ADCY5: variants seen among roughly 807,000 people sequenced by gnomAD.
The protein encoded by ADCY5 is adenylate cyclase 5.
ADCY5 carries 30 observed loss-of-function variants against 119.7 expected under a neutral mutation model. The observed-to-expected ratio is 0.25, with a 90% CI of 0.19 to 0.34. ADCY5 has a LOEUF of 0.34. Among genes scored for constraint, ADCY5 ranks in the 10% least tolerant of loss-of-function variants. The pLI, the probability that ADCY5 is intolerant of heterozygous loss-of-function variation, is 1.00. For synonymous variants in ADCY5, 753 were observed against 762.2 expected (o/e 0.99, Z 0.20); for missense variants, 1,324 against 1,775.2 (o/e 0.75, Z 4.57).
chr3:123,396,532 AAAAGAAAGAAAG>A (rs370071235), intron 1 of ADCY5, among the ~76,000 whole-genome samples: 1,404 of 137,882 alleles, frequency 0.01, 36 homozygotes, highest in African/African-American at 0.038. Context: ...AGAGAGAAAG[AAAAGAAAGAAAG>A]AAAGAAAGAA....
At chr3:123,389,785 A>G (rs1170894210) in intron 1 of ADCY5, among the ~76,000 whole-genome samples, 2 of 152,110 alleles carry the variant, frequency 1.3e-5, no homozygotes, top group Non-Finnish European at 2.9e-5. Flanking sequence ...AATAGGACAA[A>G]CTCCAGCCTG....
Position 123,448,058 on chromosome 3 carries a change from C to G in ADCY5, c.488G>C (p.Arg163Pro). ...GTCGGCCGCGCGCCCCTTGCCCCGC[C>G]GCTCCTCCAGACCCACCTCCACCGA... ...PRSVEVGLEERRGKGRAADEL... is the reference protein window; with the variant it reads ...PRSVEVGLEEPRGKGRAADEL... The change falls in exon 1 of 21, where the codon CGG becomes CCG. Residue 163 changes from arginine to proline, a missense_variant. Physicochemically the swap from Arg to Pro is moderately radical, Grantham distance 103. Around this residue, in one of 6 missense-constraint regions of ADCY5, gnomAD observed 585 missense variants for 569.9 expected, o/e 1.03. Coordinates refer to ENST00000462833, the MANE Select transcript of ADCY5 (RefSeq NM_183357.3). 1 of 1,245,938 alleles carries G rather than the reference C, an allele frequency of 8.0e-7. No individual in the cohort carries two copies. The highest frequency in any genetic ancestry group is 3.7e-5 in the East Asian group (1 of 26,910). 77.2% of individuals were successfully genotyped at this position (1,245,938 alleles called of 1,614,324 possible). A position where few individuals can be genotyped will look rare whatever the true frequency, so the allele number is the denominator to read the frequency against.
rs746604035 is a variant in ADCY5, at chr3:123,447,667, G to A, written c.879C>T (p.Phe293=). 27 of 1,606,628 alleles carry A rather than the reference G, an allele frequency of 1.7e-5. No individual in the cohort carries two copies. Among genetic ancestry groups the A allele is most frequent in the Admixed American group, 6.7e-5 (4 of 59,582 alleles). ...IMAVLCNRAA[F]HQDHMGLACY... Reference sequence around the variant, plus strand: ...AGGCCAGGCCCATGTGGTCCTGGTGGAAGGCGGCGCGGTTGCAAAGCACAG... The same window carrying A: ...AGGCCAGGCCCATGTGGTCCTGGTGAAAGGCGGCGCGGTTGCAAAGCACAG... Residue 293 remains phenylalanine, a synonymous_variant, in exon 1 of 21, where the codon TTC becomes TTT. Transcript: ENST00000462833.
At chr3:123,378,958 G>A (rs1463310251) in intron 1 of ADCY5, among the ~76,000 whole-genome samples, 1 of 152,170 alleles carries the variant, frequency 6.6e-6, no homozygotes, top group East Asian at 1.9e-4. Flanking sequence ...TAGAGCCCCA[G>A]GGAAGATTCT....
chr3:123,438,542 C>T (rs1017048925), intron 1 of ADCY5, among the ~76,000 whole-genome samples: 3 of 152,186 alleles, frequency 2.0e-5, no homozygotes, highest in Admixed American at 2.0e-4. Context: ...CTGCCCAGGA[C>T]ATGAATATCC....
chr3:123,435,851 T>TTA (rs1945600652), intron 1 of ADCY5, among the ~76,000 whole-genome samples: 5 of 125,878 alleles, frequency 4.0e-5, no homozygotes, highest in African/African-American at 1.5e-4. Context: ...CAAGAGCCCT[T>TTA]TTATTATTAT....
intron 12 of ADCY5, among the ~76,000 whole-genome samples, chr3:123,313,496 C>T (rs899499007): frequency 2.6e-5 from 4 of 152,226 alleles, no homozygotes; most frequent in African/African-American, 9.6e-5. Context: ...GAGTGCTTCC[C>T]GGAGGCCAGG....
At chr3:123,317,571 C>T (rs1243674905) in intron 11 of ADCY5, among the ~76,000 whole-genome samples, 1 of 151,692 alleles carries the variant, frequency 6.6e-6, no homozygotes, top group Non-Finnish European at 1.5e-5. Context: ...CCCGTCTCTA[C>T]TAAAATACAA....
chr3:123,329,406 C>T (rs1257564767), intron 5 of ADCY5, among the ~76,000 whole-genome samples: 1 of 152,138 alleles, frequency 6.6e-6, no homozygotes, highest in African/African-American at 2.4e-5. Context: ...CGGCCACATG[C>T]ACCACATATC....
intron 5 of ADCY5, among the ~76,000 whole-genome samples, 183 bp from the exon 6 acceptor site, chr3:123,328,985 C>T (rs1379397695): frequency 2.6e-5 from 4 of 152,088 alleles, no homozygotes; most frequent in African/African-American, 7.2e-5. Context: ...CAGGTGCAGT[C>T]GGCTGTGAAA....
chr3:123,320,034 C>T (rs1035487628), intron 9 of ADCY5, among the ~76,000 whole-genome samples: 4 of 152,172 alleles, frequency 2.6e-5, no homozygotes, highest in Non-Finnish European at 5.9e-5. Flanking sequence ...AGTCTCAGTC[C>T]CCTTCGGGCT....
rs75938544 is a variant in ADCY5 at position 123,409,070 on chromosome 3, C to T, written c.1134+38342G>A. On this transcript the variant is annotated intron_variant, in intron 1 of 20. Coordinates refer to ENST00000462833, the MANE Select transcript of ADCY5 (RefSeq NM_183357.3). Reference sequence around the variant, plus strand: ...TAAAGTATAGAAAAGATTTAGAGAGCTAGCTGGTGTTTTAAGCTTATGAAA... The same window carrying T: ...TAAAGTATAGAAAAGATTTAGAGAGTTAGCTGGTGTTTTAAGCTTATGAAA... Among the ~76,000 whole-genome samples, 731 of 152,276 alleles carry T rather than the reference C, an allele frequency of 4.8e-3. 5 individuals are homozygous for T. The highest frequency in any genetic ancestry group is 0.016 in the African/African-American group (662 of 41,554).
intron 1 of ADCY5, among the ~76,000 whole-genome samples, chr3:123,402,230 C>T (rs1454808183): frequency 2.0e-5 from 3 of 152,316 alleles, no homozygotes; most frequent in Admixed American, 1.3e-4. Flanking sequence ...TATCAGGGCA[C>T]GTGAGAGATG....
In ADCY5 at chr3:123,447,501, C is replaced by A. The variant is rs1277274558; in HGVS notation, c.1045G>T (p.Ala349Ser). 5.6e-6 allele frequency: 9 copies of A among 1,611,564 alleles called. No individual in the cohort carries two copies. The highest frequency in any genetic ancestry group is 6.8e-6 in the Non-Finnish European group (8 of 1,179,570). The change falls in exon 1 of 21, where the codon GCC becomes TCC. Residue 349 changes from alanine to serine, a missense_variant. Ala to Ser is a moderately conservative substitution (Grantham distance 99). Coordinates refer to ENST00000462833, the MANE Select transcript of ADCY5 (RefSeq NM_183357.3). ...AGGAGCACCCCGCTGAGCACTGCGG[C>A]CCGCATGCGCACGGGCAGCAGCGTG... is the stretch of plus-strand genomic sequence containing the variant. ...IYTLLPVRMR[A>S]AVLSGVLLSA...
At chr3:123,325,723 G>A (rs922108744) in intron 7 of ADCY5, among the ~76,000 whole-genome samples, 2 of 152,262 alleles carry the variant, frequency 1.3e-5, no homozygotes, top group Admixed American at 6.5e-5. Flanking sequence ...TTGTGAGAAA[G>A]CAAAGAGCTT....
In ADCY5 at chr3:123,350,283, C is replaced by T. The variant is rs73858741; in HGVS notation, c.1284+2149G>A. Among the ~76,000 whole-genome samples, 590 of 152,274 alleles carry T rather than the reference C, an allele frequency of 3.9e-3. 3 individuals carry two copies. Among genetic ancestry groups the T allele is most frequent in the African/African-American group, 0.014 (564 of 41,560 alleles). Reference sequence around the variant, plus strand: ...GAGGCCACCTTGGGGACCGGAGCTGCGTCTTGTCCAGTGCCACAGCCCAGA... The same window carrying T: ...GAGGCCACCTTGGGGACCGGAGCTGTGTCTTGTCCAGTGCCACAGCCCAGA... On this transcript the variant is annotated intron_variant, in intron 2 of 20. Coordinates refer to ENST00000462833, the MANE Select transcript of ADCY5 (RefSeq NM_183357.3).
chr3:123,320,604 C>T (rs560217444), intron 9 of ADCY5, 145 bp downstream of exon 9: 73 of 1,138,908 alleles, frequency 6.4e-5, no homozygotes, highest in Middle Eastern at 2.9e-4. Context: ...GACCACCTGA[C>T]GGCTAGGGTG....
chr3:123,294,897 G>C (rs892607004), intron 17 of ADCY5, among the ~76,000 whole-genome samples: 1 of 152,182 alleles, frequency 6.6e-6, no homozygotes, highest in Non-Finnish European at 1.5e-5. Context: ...GCAGAAAAAT[G>C]AGAGCCTCCT....
At position 123,352,006 on chromosome 3, in the gene ADCY5, C is replaced by G. The variant is rs1010157163; in HGVS notation, c.1284+426G>C. ...GGGATGACAGCTCCTGTCTCCTCTT[C>G]TTCTCCCTCATCCCTCCCCTGCGGA... is the stretch of plus-strand genomic sequence containing the variant. On this transcript the variant is annotated intron_variant, in intron 2 of 20. Transcript: ENST00000462833. The surrounding 1 kb of genome is among the most constrained non-coding windows in gnomAD (Gnocchi z 4.8). Among the ~76,000 whole-genome samples, 2 of 152,216 alleles carry G rather than the reference C, an allele frequency of 1.3e-5. No homozygotes were observed. The highest frequency in any genetic ancestry group is 4.8e-5 in the African/African-American group (2 of 41,462).
Sources: allele counts gnomAD v4.1 joint callset (sites outside exome capture counted in the v4.1 genomes callset), GRCh38; gene constraint gnomAD v4.1.1; regional missense constraint gnomAD v4.1.1; non-coding constraint Gnocchi (gnomAD v3.1); transcripts MANE v1.5; gene names NCBI Gene and HGNC (gene_info 2026-07-23, HGNC 2026-07-21).